Variants in SGSH observed in about 807,000 individuals in gnomAD.
SGSH encodes the protein N-sulfoglucosamine sulfohydrolase, also known as heparan sulfate sulfatase.
Under a neutral mutation model 51.0 loss-of-function variants are expected in SGSH, and 48 were observed. The ratio of observed to expected loss-of-function variants is 0.94; its 90% CI spans 0.75 to 1.20. SGSH has a LOEUF of 1.20. Ranked by LOEUF, SGSH falls within the 50% of genes most tolerant of loss-of-function variation. SGSH has a pLI of 0.00. For missense variants in SGSH, 662 were observed against 717.8 expected (o/e 0.92, Z 0.89); for synonymous variants, 321 against 313.4 (o/e 1.02, Z -0.26).
chr17:80,210,741 G>A lies in SGSH; in HGVS notation c.1220C>T (p.Thr407Ile), dbSNP rs1461888615. ...PIDQDFYVSP[T>I]FQDLLNRTTA... is the part of the protein sequence containing the mutation. ...GGTGCGGTTCAGGAGGTCCTGGAAG[G>A]TGGGTGAGACGTAGAAGTCCTGGTC... The change falls in exon 8 of 8, where the codon ACC becomes ATC. Residue 407 changes from threonine to isoleucine, a missense_variant. Thr to Ile is a moderately conservative substitution (Grantham distance 89). Coordinates refer to ENST00000326317, the MANE Select transcript of SGSH (RefSeq NM_000199.5). The A allele has an allele frequency of 6.2e-7, 1 of 1,614,118 alleles. No homozygotes were observed. Among genetic ancestry groups the A allele is most frequent in the Non-Finnish European group, 8.5e-7 (1 of 1,180,048 alleles).
At position 80,212,673 on chromosome 17, in the gene SGSH, G is replaced by C. The variant is rs957173520; in HGVS notation, c.746-399C>G. On this transcript the variant is annotated intron_variant, in intron 6 of 7. Transcript: ENST00000326317. This position sits in a 1 kb window ranked among gnomAD's most constrained non-coding sequence, Gnocchi z 5.9. ...TTCCCAGCTGGGGCCAGAGGACAAG[G>C]CTTCCTCTATACCCGCTCCTTCCCA... 52 of 351,516 alleles carry C rather than the reference G, an allele frequency of 1.5e-4. 1 individual carries two copies. Among genetic ancestry groups the C allele is most frequent in the Non-Finnish European group, 3.9e-5 (7 of 180,882 alleles). The allele number at this position is 351,516 out of a possible 1,614,324, so 21.8% of individuals were successfully genotyped here.
At chr17:80,205,088 C>G (rs948676446), downstream of SGSH, 12 of 1,613,164 alleles carry the variant, frequency 7.4e-6, no homozygotes, top group Non-Finnish European at 1.0e-5. Context: ...GCCCTATACC[C>G]TGGTGCGGCC....
rs1397512244 is a variant in SGSH, at chr17:80,209,314, T to C, written c.*1138A>G. 1.0e-6 allele frequency: 1 copy of C among 985,188 alleles called. No individual in the cohort carries two copies. Among genetic ancestry groups the C allele is most frequent in the Admixed American group, 6.1e-5 (1 of 16,266 alleles). The allele number at this position is 985,188 out of a possible 1,614,324, so 61.0% of individuals were successfully genotyped here. On this transcript the variant is annotated 3_prime_UTR_variant, in exon 8 of 8. Transcript: ENST00000326317. Reference sequence around the variant, plus strand: ...AGAACTTCTGTATATTTTACTAAAATAAAAAGCTTTTACAATAGCTGGCCT... The same window carrying C: ...AGAACTTCTGTATATTTTACTAAAACAAAAAGCTTTTACAATAGCTGGCCT...
At chr17:80,204,973 C>G, downstream of SGSH, 1 of 1,402,652 alleles carries the variant, frequency 7.1e-7, no homozygotes, top group Non-Finnish European at 9.6e-7. Flanking sequence ...CCTCCCGGGG[C>G]AGGGTAGGCT....
rs200485062 is a variant in SGSH, at chr17:80,212,204, G to A, written c.816C>T (p.Ser272=). 8.0e-5 allele frequency: 129 copies of A among 1,613,388 alleles called. No individual in the cohort carries two copies. In the South Asian group the frequency reaches 8.1e-4, roughly 10 times the overall value. ...VLNDTLVIFT[S]DNGIPFPSGR... is the part of the protein sequence containing the mutation. ...CGCTGGGGAAGGGGATCCCGTTGTC[G>A]GACGTGAAGATCACCAGTGTGTCGT... Residue 272 remains serine, a synonymous_variant, in exon 7 of 8, where the codon TCC becomes TCT. Transcript: ENST00000326317. This position sits in a 1 kb window ranked among gnomAD's most constrained non-coding sequence, Gnocchi z 5.9.
Position 80,212,380 on chromosome 17 carries a change from C to A in SGSH, c.746-106G>T, listed in dbSNP as rs879761730. 1 of 1,020,796 alleles carries A rather than the reference C, an allele frequency of 9.8e-7. No individual in the cohort carries two copies. 63.2% of individuals were successfully genotyped at this position (1,020,796 alleles called of 1,614,324 possible). Reference sequence around the variant, plus strand: ...GCTGCATCCGGCCGCTGGGCTCCAGCGCTTTCCGGATTCGAAAGCACCCTG... The same window carrying A: ...GCTGCATCCGGCCGCTGGGCTCCAGAGCTTTCCGGATTCGAAAGCACCCTG... On this transcript the variant is annotated intron_variant, in intron 6 of 7. Coordinates refer to ENST00000326317, the MANE Select transcript of SGSH (RefSeq NM_000199.5). This position sits in a 1 kb window ranked among gnomAD's most constrained non-coding sequence, Gnocchi z 5.9.
downstream of SGSH, chr17:80,204,650 G>A (rs2041180204): frequency 5.4e-6 from 2 of 373,008 alleles, no homozygotes; most frequent in Non-Finnish European, 9.7e-6. Flanking sequence ...TTTCAGGAGA[G>A]GAGTACAGGA....
intron 2 of SGSH, among the ~76,000 whole-genome samples, chr17:80,216,044 G>C (rs531085122): frequency 6.6e-6 from 1 of 152,096 alleles, no homozygotes; most frequent in South Asian, 2.1e-4. Flanking sequence ...GACACAAAAG[G>C]GGGGCCGGGC....
At chr17:80,204,806 A>G, downstream of SGSH, 1 of 499,938 alleles carries the variant, frequency 2.0e-6, no homozygotes, top group Non-Finnish European at 3.5e-6. Context: ...CAGGCTGCAA[A>G]GCAGTCCCTG....
chr17:80,204,997 C>T (rs373975169), downstream of SGSH: 13 of 1,501,848 alleles, frequency 8.7e-6, no homozygotes, highest in African/African-American at 2.8e-5. Context: ...TGGGGGCTGC[C>T]GCAGCCTCAC....
downstream of SGSH, chr17:80,204,815 T>G: frequency 2.0e-6 from 1 of 508,438 alleles, no homozygotes; most frequent in South Asian, 3.4e-5. Context: ...AAGCAGTCCC[T>G]GGAGAGCCAC....
rs777599285 is a variant in SGSH, at chr17:80,215,176, C to A, written c.250-38G>T. The stretch of plus-strand genomic sequence containing the variant: ...GCGCATGAGGTCCGGGGCCCCCGGA[C>A]AGCCAGAGCCCGCCTGCCGCACCTG... On this transcript the variant is annotated intron_variant, in intron 2 of 7. Coordinates refer to ENST00000326317, the MANE Select transcript of SGSH (RefSeq NM_000199.5). 3 of 1,482,530 alleles carry A rather than the reference C, an allele frequency of 2.0e-6. No individual in the cohort carries two copies. In the South Asian group the frequency reaches 3.4e-5, roughly 17 times the overall value. The allele number at this position is 1,482,530 out of a possible 1,614,324, so 91.8% of individuals were successfully genotyped here. A position where few individuals can be genotyped will look rare whatever the true frequency, so the allele number is the denominator to read the frequency against.
chr17:80,215,294 C>T (rs2041849117), intron 2 of SGSH, among the ~76,000 whole-genome samples, 156 bp from the exon 3 acceptor site: 1 of 152,240 alleles, frequency 6.6e-6, no homozygotes, highest in Non-Finnish European at 1.5e-5. Context: ...CTGTACCTCC[C>T]ACTCCCTGCC....
At chr17:80,208,302 A>G (rs2144640992), downstream of SGSH, 1 of 1,605,532 alleles carries the variant, frequency 6.2e-7, no homozygotes, top group Non-Finnish European at 8.5e-7. Flanking sequence ...GCCATCGCCG[A>G]CGAGCAGAAG....
At chr17:80,219,997 A>T in intron 1 of SGSH, 1 of 463,904 alleles carries the variant, frequency 2.2e-6, no homozygotes, top group Non-Finnish European at 3.8e-6. Flanking sequence ...AGGTAAGTGT[A>T]GGGGTGCTGG....
At chr17:80,206,792 A>T (rs2041343121), downstream of SGSH, 1 of 417,542 alleles carries the variant, frequency 2.4e-6, no homozygotes, top group East Asian at 3.6e-5. Flanking sequence ...AAAAATAAAA[A>T]AAAGAGAGAA....
chr17:80,215,238 G>C (rs1043441659), intron 2 of SGSH, 100 bp from the exon 3 acceptor site: 2 of 847,068 alleles, frequency 2.4e-6, no homozygotes, highest in African/African-American at 1.7e-5. Context: ...GGGCCTTCTC[G>C]GGGCCCTGAT....
chr17:80,202,410 A>C (rs535171797), downstream of SGSH: 78 of 1,611,538 alleles, frequency 4.8e-5, no homozygotes, highest in African/African-American at 9.1e-4. Flanking sequence ...CACCATCCCC[A>C]ACTACTCCAG....
chr17:80,208,354 GC>G, downstream of SGSH: 1 of 1,580,456 alleles, frequency 6.3e-7, no homozygotes, highest in Admixed American at 1.8e-5. Context: ...GATGCACCGT[GC>G]CCCTTCCCGG....
Sources: gnomAD v4.1 joint callset for allele counts (sites outside exome capture counted in the v4.1 genomes callset) on GRCh38, gnomAD v4.1.1 for gene constraint, Gnocchi (gnomAD v3.1) non-coding constraint, MANE v1.5 for transcripts, NCBI Gene and HGNC (gene_info 2026-07-23, HGNC 2026-07-21) for gene names.